MEIKIN: variants seen among roughly 807,000 people sequenced by gnomAD.
The protein encoded by MEIKIN is meiosis-specific kinetochore protein.
At chr5:131,825,641 G>A (rs975584784) in intron 11 of MEIKIN, among the ~76,000 whole-genome samples, 23 of 152,074 alleles carry the variant, frequency 1.5e-4, no homozygotes, top group African/African-American at 4.3e-4. Context: ...CAAAACCTCC[G>A]GCATCAAAAA....
chr5:131,904,186 C>A (rs550516920), intron 8 of MEIKIN, among the ~76,000 whole-genome samples: 2 of 152,136 alleles, frequency 1.3e-5, no homozygotes, highest in African/African-American at 4.8e-5. Flanking sequence ...TCTTAGAGAC[C>A]TATGAAGAGA....
At chr5:131,867,009 T>G (rs994472745) in intron 9 of MEIKIN, among the ~76,000 whole-genome samples, 1 of 152,160 alleles carries the variant, frequency 6.6e-6, no homozygotes, top group Non-Finnish European at 1.5e-5. Flanking sequence ...ACCCTGCATA[T>G]TCATCCAGTT....
intron 3 of MEIKIN, among the ~76,000 whole-genome samples, chr5:131,943,161 A>T (rs1751901872): frequency 6.6e-6 from 1 of 152,196 alleles, no homozygotes; most frequent in Non-Finnish European, 1.5e-5. Flanking sequence ...TATTTAATAG[A>T]CATTTCACAA....
intron 11 of MEIKIN, among the ~76,000 whole-genome samples, chr5:131,829,427 A>C (rs758767023): frequency 6.6e-6 from 1 of 152,152 alleles, no homozygotes; most frequent in Non-Finnish European, 1.5e-5. Context: ...GGATGATGGT[A>C]CGAGGAGATC....
At chr5:131,854,026 C>T (rs1201157420) in intron 10 of MEIKIN, among the ~76,000 whole-genome samples, 1 of 152,152 alleles carries the variant, frequency 6.6e-6, no homozygotes, top group East Asian at 1.9e-4. Flanking sequence ...GGGACTCAAA[C>T]ATATATTTGT....
intron 9 of MEIKIN, among the ~76,000 whole-genome samples, chr5:131,877,345 C>T (rs2149627870): frequency 6.6e-6 from 1 of 152,158 alleles, no homozygotes; most frequent in South Asian, 2.1e-4. Context: ...AAATTTTTCC[C>T]TAAAGGCCTC....
intron 11 of MEIKIN, among the ~76,000 whole-genome samples, chr5:131,842,209 C>T (rs918649717): frequency 6.6e-6 from 1 of 152,140 alleles, no homozygotes; most frequent in Non-Finnish European, 1.5e-5. Flanking sequence ...TCGTGATCTG[C>T]CTGCCTCGGT....
intron 8 of MEIKIN, among the ~76,000 whole-genome samples, chr5:131,891,344 G>A (rs905806409): frequency 6.6e-6 from 1 of 152,080 alleles, no homozygotes; most frequent in African/African-American, 2.4e-5. Flanking sequence ...ATTATTGTGT[G>A]GGAATCTAAG....
At chr5:131,876,380 C>T (rs199747898) in intron 9 of MEIKIN, among the ~76,000 whole-genome samples, 10 of 151,406 alleles carry the variant, frequency 6.6e-5, no homozygotes, top group East Asian at 3.9e-4. Context: ...ATGCGGCCAA[C>T]GGACACATGA....
intron 11 of MEIKIN, among the ~76,000 whole-genome samples, chr5:131,823,276 T>C (rs1749552186): frequency 6.6e-6 from 1 of 152,170 alleles, no homozygotes; most frequent in African/African-American, 2.4e-5. Context: ...AAATAAACTT[T>C]CTACCCTATC....
chr5:131,869,282 G>C (rs964995002), intron 9 of MEIKIN, among the ~76,000 whole-genome samples: 2 of 152,160 alleles, frequency 1.3e-5, no homozygotes, highest in African/African-American at 4.8e-5. Flanking sequence ...AAGATCAGTT[G>C]ACTATATTTA....
At chr5:131,872,545 G>A (rs1388410491) in intron 9 of MEIKIN, among the ~76,000 whole-genome samples, 3 of 152,206 alleles carry the variant, frequency 2.0e-5, no homozygotes, top group South Asian at 2.1e-4. Flanking sequence ...AAGTGACGGG[G>A]AGAATGGAAC....
intron 9 of MEIKIN, among the ~76,000 whole-genome samples, chr5:131,877,762 C>T (rs1264719269): frequency 2.0e-5 from 3 of 152,166 alleles, no homozygotes; most frequent in Admixed American, 6.6e-5. Context: ...CACTGGTCCC[C>T]GCACCCTGCC....
At chr5:131,865,122 A>AT (rs1347752679) in intron 9 of MEIKIN, among the ~76,000 whole-genome samples, 3 of 150,580 alleles carry the variant, frequency 2.0e-5, no homozygotes, top group East Asian at 2.0e-4. Context: ...TGTATCCTGA[A>AT]TTTTTTTTCT....
intron 11 of MEIKIN, among the ~76,000 whole-genome samples, chr5:131,821,630 CTT>C (rs375765946): frequency 0.014 from 696 of 50,270 alleles, 6 homozygotes; most frequent in African/African-American, 0.081. Flanking sequence ...TGAGGTCTGC[CTT>C]TTTTTTTTTT....
intron 4 of MEIKIN, among the ~76,000 whole-genome samples, chr5:131,935,021 A>G (rs1024505850): frequency 2.0e-5 from 3 of 151,782 alleles, no homozygotes; most frequent in Non-Finnish European, 4.4e-5. Context: ...AAGATCGGCC[A>G]CTGAACTCCA....
chr5:131,837,464 C>T (rs749769474), intron 11 of MEIKIN, among the ~76,000 whole-genome samples: 1 of 152,046 alleles, frequency 6.6e-6, no homozygotes, highest in Non-Finnish European at 1.5e-5. Flanking sequence ...GCCATGTTAA[C>T]GATGTTGATT....
chr5:131,868,264 T>C (rs1750424941), intron 9 of MEIKIN, among the ~76,000 whole-genome samples: 1 of 152,170 alleles, frequency 6.6e-6, no homozygotes, highest in Admixed American at 6.5e-5. Flanking sequence ...TAATATTTTT[T>C]AGTAGAGACA....
intron 8 of MEIKIN, among the ~76,000 whole-genome samples, chr5:131,906,736 G>T (rs1014700632): frequency 2.6e-5 from 4 of 152,138 alleles, no homozygotes; most frequent in African/African-American, 9.7e-5. Context: ...AAATCTGGAG[G>T]CCATTATTCT....
Sources: allele counts gnomAD v4.1 joint callset (sites outside exome capture counted in the v4.1 genomes callset), GRCh38; gene constraint gnomAD v4.1.1; transcripts MANE v1.5; gene names NCBI Gene and HGNC (gene_info 2026-07-23, HGNC 2026-07-21).